BUB1B: variants seen among roughly 807,000 people sequenced by gnomAD.
BUB1B encodes the protein mitotic checkpoint serine/threonine-protein kinase BUB1 beta.
A neutral mutation model predicts 137.7 loss-of-function variants in BUB1B; 86 were observed. The ratio of observed to expected loss-of-function variants is 0.62; its 90% CI spans 0.52 to 0.75. BUB1B has a LOEUF of 0.75. Among genes scored for constraint, BUB1B ranks in the 30% least tolerant of loss-of-function variants. The pLI is 0.00. For synonymous variants in BUB1B, 420 were observed against 417.9 expected (o/e 1.00, Z -0.06); for missense variants, 1,130 against 1,236.9 (o/e 0.91, Z 1.30).
Position 40,200,268 on chromosome 15 carries a change from G to A in BUB1B, c.1426G>A (p.Glu476Lys), listed in dbSNP as rs757547240. 4 of 1,613,620 alleles carry A rather than the reference G, an allele frequency of 2.5e-6. No homozygotes were observed. The highest frequency in any genetic ancestry group is 3.4e-6 in the Non-Finnish European group (4 of 1,179,680). ...DQQEETMPTK[E>K]TTKLQIASES... The stretch of plus-strand genomic sequence containing the variant: ...GCAAGAAGAGACGATGCCTACAAAG[G>A]AGACAACTAAACTGCAAATTGCTTC... The change falls in exon 11 of 23, where the codon GAG becomes AAG. Residue 476 changes from glutamate to lysine, a missense_variant. Transcript: ENST00000287598.
intron 5 of BUB1B, among the ~76,000 whole-genome samples, chr15:40,178,981 G>A (rs2140886788): frequency 6.6e-6 from 1 of 151,610 alleles, no homozygotes; most frequent in South Asian, 2.1e-4. Context: ...ACCCTAAAAT[G>A]AACCCCATGC....
chr15:40,170,519 C>A lies in BUB1B; in HGVS notation c.240-18C>A, dbSNP rs574161502. ...TGTTCAATTTAAAATGTGTTCTTAT[C>A]TTTTTCCTCCCATTTAGGTATATCA... On this transcript the variant is annotated intron_variant, in intron 3 of 22. Transcript: ENST00000287598. 2 of 1,612,974 alleles carry A rather than the reference C, an allele frequency of 1.2e-6. No individual in the cohort carries two copies. The highest frequency in any genetic ancestry group is 1.1e-5 in the South Asian group (1 of 91,048).
At chr15:40,183,272 T>C (rs1288891854) in intron 5 of BUB1B, among the ~76,000 whole-genome samples, 1 of 152,176 alleles carries the variant, frequency 6.6e-6, no homozygotes, top group Non-Finnish European at 1.5e-5. Flanking sequence ...AAACCGTATA[T>C]GTGTGTGCGT....
rs527406091 is a variant in BUB1B, at chr15:40,200,449, G to T, written c.1517+90G>T. ...TCTAGTGCCTTGAAGTCTCCTTGACGTTTACAGTATCGAGACATGGTTTTT... is the reference window on the plus strand; with the variant it reads ...TCTAGTGCCTTGAAGTCTCCTTGACTTTTACAGTATCGAGACATGGTTTTT... On this transcript the variant is annotated intron_variant, in intron 11 of 22. Transcript: ENST00000287598. 1.3e-5 allele frequency: 12 copies of T among 917,138 alleles called. 1 individual carries two copies. Among genetic ancestry groups the T allele is most frequent in the Admixed American group, 6.0e-5 (3 of 50,138 alleles). The allele number at this position is 917,138 out of a possible 1,614,324, so 56.8% of individuals were successfully genotyped here. A position where few individuals can be genotyped will look rare whatever the true frequency, so the allele number is the denominator to read the frequency against.
chr15:40,208,919 G>A (rs2037673393), intron 16 of BUB1B, 149 bp downstream of exon 16: 3 of 800,986 alleles, frequency 3.7e-6, no homozygotes, highest in Middle Eastern at 3.5e-4. Flanking sequence ...CTGGGCTCAG[G>A]TGATCCTCCT....
rs1043733191 is a variant in BUB1B at position 40,204,733 on chromosome 15, C to T, written c.1735-1451C>T. On this transcript the variant is annotated intron_variant, in intron 14 of 22. Coordinates refer to ENST00000287598, the MANE Select transcript of BUB1B (RefSeq NM_001211.6). ...CTCACTGCAGCCTCTGCCTCCTGTA[C>T]TCAAGCATTCCTCCCACCTCAGCCT... Among the ~76,000 whole-genome samples, 8 of 150,412 alleles carry T rather than the reference C, an allele frequency of 5.3e-5. No homozygotes were observed. In the South Asian group the frequency reaches 1.7e-3, roughly 32 times the overall value.
At chr15:40,172,210 T>C (rs2037171950) in intron 4 of BUB1B, among the ~76,000 whole-genome samples, 1 of 151,646 alleles carries the variant, frequency 6.6e-6, no homozygotes, top group Non-Finnish European at 1.5e-5. Context: ...AAGTAAGAAA[T>C]AAATTTCTTA....
Position 40,165,183 on chromosome 15 carries a change from C to T in BUB1B, c.166C>T (p.Gln56Ter). 6.2e-7 allele frequency: 1 copy of T among 1,614,206 alleles called. No homozygotes were observed. The highest frequency in any genetic ancestry group is 8.5e-7 in the Non-Finnish European group (1 of 1,180,042). ...AGAATCTGCCTGTAACAATACTCTTCAGCAGCAGAAACGGTGTGTAGAATG... is the reference window on the plus strand; with the variant it reads ...AGAATCTGCCTGTAACAATACTCTTTAGCAGCAGAAACGGTGTGTAGAATG... Reference protein sequence around the residue: ...AQESACNNTLQQQKRAFEYEI... With the variant: ...AQESACNNTL The change falls in exon 2 of 23, where the codon CAG (glutamine) becomes TAG (stop). Residue 56 changes from glutamine (Q) to a stop codon, truncating the protein, a stop_gained. Transcript: ENST00000287598. LOFTEE classifies it high-confidence loss of function.
At chr15:40,209,310 A>C (rs902714056) in intron 16 of BUB1B, among the ~76,000 whole-genome samples, 1 of 152,122 alleles carries the variant, frequency 6.6e-6, no homozygotes, top group African/African-American at 2.4e-5. Context: ...AGTCCCAGCT[A>C]CTCTGGAGGC....
intron 5 of BUB1B, among the ~76,000 whole-genome samples, chr15:40,179,272 G>A (rs934300823): frequency 5.3e-5 from 8 of 151,866 alleles, no homozygotes; most frequent in Non-Finnish European, 7.4e-5. Flanking sequence ...GTTTATTGCC[G>A]AATGATATTC....
chr15:40,168,362 C>T (rs964191998), intron 2 of BUB1B, among the ~76,000 whole-genome samples: 2 of 150,272 alleles, frequency 1.3e-5, no homozygotes, highest in African/African-American at 2.5e-5. Flanking sequence ...AGCGAAATTC[C>T]GTCTCAAAAA....
Position 40,185,346 on chromosome 15 carries a change from C to T in BUB1B, c.933C>T (p.Gly311=), listed in dbSNP as rs1205576679. 6 of 1,614,022 alleles carry T rather than the reference C, an allele frequency of 3.7e-6. No homozygotes were observed. Among genetic ancestry groups the T allele is most frequent in the Non-Finnish European group, 5.1e-6 (6 of 1,180,026 alleles). ...PRAKENELQA[G]PWNTGRSLEH... The stretch of plus-strand genomic sequence containing the variant: ...CCAAAGAGAATGAGCTGCAAGCAGG[C>T]CCTTGGAACACAGGCAGGTCCTTGG... The change falls in exon 7 of 23, where the codon GGC becomes GGT. Residue 311 remains glycine, a synonymous_variant. Transcript: ENST00000287598.
chr15:40,195,541 C>A (rs888318810), intron 8 of BUB1B, among the ~76,000 whole-genome samples: 1 of 152,084 alleles, frequency 6.6e-6, no homozygotes, highest in African/African-American at 2.4e-5. Flanking sequence ...ACTTTTAGTT[C>A]CTTAAGGAAT....
chr15:40,199,651 T>A lies in BUB1B; in HGVS notation c.1325T>A (p.Met442Lys), dbSNP rs2037539639. 6.2e-7 allele frequency: 1 copy of A among 1,613,968 alleles called. No homozygotes were observed. The highest frequency in any genetic ancestry group is 8.5e-7 in the Non-Finnish European group (1 of 1,179,914). ...ACCAGTGCAGAGAAGAGAGCAGAAA[T>A]GCAGAAACAGATTGAAGAGATGGAG... ...LLTSAEKRAEMQKQIEEMEKK... is the reference protein window; with the variant it reads ...LLTSAEKRAEKQKQIEEMEKK... Residue 442 changes from methionine (M) to lysine (K), a missense_variant, in exon 10 of 23, where the codon ATG becomes AAG. Physicochemically the swap from Met to Lys is moderately conservative, Grantham distance 95 (BLOSUM62 -1). Transcript: ENST00000287598.
At chr15:40,171,586 C>T (rs2037163601) in intron 4 of BUB1B, among the ~76,000 whole-genome samples, 1 of 152,120 alleles carries the variant, frequency 6.6e-6, no homozygotes, top group Non-Finnish European at 1.5e-5. Flanking sequence ...TTGGGCCATT[C>T]AACTGTACTG....
chr15:40,219,988 TG>T lies in BUB1B; in HGVS notation c.2958-574del, dbSNP rs562046192. On this transcript the variant is annotated intron_variant, in intron 22 of 22. Coordinates refer to ENST00000287598, the MANE Select transcript of BUB1B (RefSeq NM_001211.6). ...TAGGATGGATATAGGCATGTCCACTTGGCTATGGTCCAGGCAGGTCTGGCTA... is the reference window on the plus strand; with the variant it reads ...TAGGATGGATATAGGCATGTCCACTTGCTATGGTCCAGGCAGGTCTGGCTA... Among the ~76,000 whole-genome samples, 218 of 152,312 alleles carry T rather than the reference TG, an allele frequency of 1.4e-3. 1 individual carries two copies. The highest frequency in any genetic ancestry group is 5.0e-3 in the African/African-American group (208 of 41,568).
rs767930381 is a variant in BUB1B, at chr15:40,217,492, T to G, written c.2679-4T>G. 8 of 1,614,016 alleles carry G rather than the reference T, an allele frequency of 5.0e-6. No homozygotes were observed. Among genetic ancestry groups the G allele is most frequent in the Non-Finnish European group, 5.9e-6 (7 of 1,179,934 alleles). The stretch of plus-strand genomic sequence containing the variant: ...TTATCTCCTTCTCTTAAATCTGGGC[T>G]CAGAATCCACGATCCCTATGATTGT... On this transcript the variant is annotated splice_polypyrimidine_tract_variant and splice_region_variant and intron_variant, in intron 20 of 22. Transcript: ENST00000287598.
intron 19 of BUB1B, 90 bp downstream of exon 19, chr15:40,212,738 A>C (rs2037730140): frequency 8.1e-7 from 1 of 1,230,054 alleles, no homozygotes; most frequent in African/African-American, 1.5e-5. Context: ...AATTCCTGTC[A>C]ATCTTCTAGA....
chr15:40,204,440 CT>C (rs67153834), intron 14 of BUB1B, among the ~76,000 whole-genome samples: 17,303 of 143,728 alleles, frequency 0.12, 1,171 homozygotes, highest in Non-Finnish European at 0.15. Flanking sequence ...CTTCATTTAC[CT>C]TTTTTTTTTT....
Sources: allele counts gnomAD v4.1 joint callset (sites outside exome capture counted in the v4.1 genomes callset), GRCh38; gene constraint gnomAD v4.1.1; transcripts MANE v1.5; gene names NCBI Gene and HGNC (gene_info 2026-07-23, HGNC 2026-07-21).